Variants in RAB11FIP4 observed in about 807,000 individuals in gnomAD.
RAB11FIP4 encodes the protein RAB11 family interacting protein 4.
Under a neutral mutation model 74.3 loss-of-function variants are expected in RAB11FIP4, and 23 were observed. That is an observed-to-expected ratio of 0.31 (90% confidence interval 0.22 to 0.44). The LOEUF is 0.44. Ranked by LOEUF, RAB11FIP4 falls within the 20% of genes least tolerant of loss-of-function variation. RAB11FIP4 has a pLI of 1.00. For synonymous variants in RAB11FIP4, 360 were observed against 359.9 expected (o/e 1.00, Z 0.00); for missense variants, 630 against 863.9 (o/e 0.73, Z 3.39).
intron 3 of RAB11FIP4, among the ~76,000 whole-genome samples, chr17:31,505,690 A>AATAATTATATAATACATAATTATTATTAT (rs1310692095): frequency 7.1e-4 from 79 of 110,646 alleles, no homozygotes; most frequent in African/African-American, 2.9e-3. Flanking sequence ...TATAATATAT[A>AATAATTATATAATACATAATTATTATTAT]ATAATTATAT....
At chr17:31,403,060 A>G (rs2071008444) in intron 1 of RAB11FIP4, among the ~76,000 whole-genome samples, 1 of 152,030 alleles carries the variant, frequency 6.6e-6, no homozygotes, top group Non-Finnish European at 1.5e-5. Flanking sequence ...AGTATGACTG[A>G]GCATGGTGGC....
chr17:31,424,621 C>G (rs913198850), intron 1 of RAB11FIP4, among the ~76,000 whole-genome samples: 3 of 149,012 alleles, frequency 2.0e-5, no homozygotes, highest in African/African-American at 7.6e-5. Flanking sequence ...TGTTGTCCAG[C>G]CTGGAGTAGA....
intron 1 of RAB11FIP4, among the ~76,000 whole-genome samples, chr17:31,423,881 A>C (rs1282120394): frequency 1.3e-5 from 2 of 151,800 alleles, no homozygotes; most frequent in African/African-American, 4.8e-5. Context: ...TTCCAGGTAA[A>C]AGATTTTCCC....
rs189642383 is a variant in RAB11FIP4 at position 31,406,672 on chromosome 17, T to G, written c.159+14661T>G. 2.6e-4 allele frequency among the ~76,000 whole-genome samples: 39 copies of G among 152,384 alleles called. 1 individual carries two copies. The highest frequency in any genetic ancestry group is 2.2e-3 in the Admixed American group (34 of 15,310). ...GTTGCTATTTACTCTTGGTATTTCT[T>G]TCTGCATAAACTGTCCTATCGATCT... On this transcript the variant is annotated intron_variant, in intron 1 of 14. Transcript: ENST00000621161.
chr17:31,480,197 G>A (rs1362975956), intron 3 of RAB11FIP4, among the ~76,000 whole-genome samples: 2 of 152,050 alleles, frequency 1.3e-5, no homozygotes, highest in South Asian at 2.1e-4. Flanking sequence ...AGCCCTCGGC[G>A]GCTGCACATA....
intron 1 of RAB11FIP4, among the ~76,000 whole-genome samples, chr17:31,414,148 G>C (rs2071125787): frequency 6.6e-6 from 1 of 152,218 alleles, no homozygotes; most frequent in Non-Finnish European, 1.5e-5. Context: ...TCACACAGCT[G>C]GGAAATGGAG....
intron 10 of RAB11FIP4, chr17:31,526,469 T>G (rs1265043604): frequency 6.6e-6 from 1 of 152,246 alleles, no homozygotes; most frequent in Non-Finnish European, 1.5e-5. Context: ...TGGGGCTGAA[T>G]TCCTCTCTGG....
Position 31,537,061 on chromosome 17 carries a change from C to T in RAB11FIP4, c.*5329C>T. The T allele has an allele frequency of 2.5e-6, 1 of 399,362 alleles. No individual in the cohort carries two copies. The highest frequency in any genetic ancestry group is 4.4e-6 in the Non-Finnish European group (1 of 226,216). 24.7% of individuals were successfully genotyped at this position (399,362 alleles called of 1,614,324 possible). On this transcript the variant is annotated 3_prime_UTR_variant, in exon 15 of 15. Coordinates refer to ENST00000621161, the MANE Select transcript of RAB11FIP4 (RefSeq NM_032932.6). ...TGTTGTCCCCAGGGTGACCCTGCCT[C>T]CTGCTGGGGCCCATCCGCTTTGCTG...
rs956897009 is a variant in RAB11FIP4 at position 31,485,858 on chromosome 17, A to C, written c.337-31793A>C. 8.5e-5 allele frequency among the ~76,000 whole-genome samples: 13 copies of C among 152,342 alleles called. No homozygotes were observed. The South Asian group carries it at 1.0e-3, about 12-fold the overall frequency. On this transcript the variant is annotated intron_variant, in intron 3 of 14. Coordinates refer to ENST00000621161, the MANE Select transcript of RAB11FIP4 (RefSeq NM_032932.6). ...CTTGTCCCAAGACATCTGGGAAATA[A>C]GACTCAATTCAAACCCAAGTCTGTT...
intron 1 of RAB11FIP4, among the ~76,000 whole-genome samples, chr17:31,422,716 G>A (rs2071211497): frequency 6.6e-6 from 1 of 151,842 alleles, no homozygotes; most frequent in Non-Finnish European, 1.5e-5. Flanking sequence ...TTCATATATT[G>A]TATTTTTTAG....
chr17:31,461,946 T>C (rs1379126359), intron 3 of RAB11FIP4, among the ~76,000 whole-genome samples: 3 of 152,090 alleles, frequency 2.0e-5, no homozygotes, highest in Non-Finnish European at 4.4e-5. Context: ...TGGCCAGATA[T>C]TGGAATCACC....
rs532769962 is a variant in RAB11FIP4 at position 31,414,495 on chromosome 17, A to C, written c.160-17318A>C. On this transcript the variant is annotated intron_variant, in intron 1 of 14. Transcript: ENST00000621161. The stretch of plus-strand genomic sequence containing the variant: ...TTTCGCTCCTATTCAGACCCCAAAC[A>C]AAGCCCTTGTGGGTGGCCGGAGGGA... 3.9e-3 allele frequency among the ~76,000 whole-genome samples: 587 copies of C among 152,294 alleles called. 2 individuals are homozygous for C. The highest frequency in any genetic ancestry group is 5.7e-3 in the Non-Finnish European group (386 of 68,020).
Position 31,447,081 on chromosome 17 carries a change from G to A in RAB11FIP4, c.336+12959G>A, listed in dbSNP as rs568807576. ...GGGCGGATCACGAGGTCAGGAGATC[G>A]AGACCATCCTGGCTAACACGGTGAA... On this transcript the variant is annotated intron_variant, in intron 3 of 14. Transcript: ENST00000621161. Among the ~76,000 whole-genome samples, 13 of 152,236 alleles carry A rather than the reference G, an allele frequency of 8.5e-5. No individual in the cohort carries two copies. The South Asian group carries it at 1.2e-3, about 15-fold the overall frequency.
intron 3 of RAB11FIP4, among the ~76,000 whole-genome samples, chr17:31,510,719 C>T (rs1946881593): frequency 6.6e-6 from 1 of 152,166 alleles, no homozygotes. Context: ...ACCTGCAGGT[C>T]TGGCTTCCTG....
intron 1 of RAB11FIP4, among the ~76,000 whole-genome samples, chr17:31,403,648 C>T (rs540038591): frequency 6.6e-6 from 1 of 152,214 alleles, no homozygotes; most frequent in Admixed American, 6.5e-5. Flanking sequence ...TAATCCCTTT[C>T]GTCATCACGG....
chr17:31,529,819 T>C (rs1597988249), intron 13 of RAB11FIP4, among the ~76,000 whole-genome samples: 1 of 152,230 alleles, frequency 6.6e-6, no homozygotes, highest in Middle Eastern at 3.4e-3. Flanking sequence ...GTGCCCAGGG[T>C]CCCAGGTGTG....
intron 1 of RAB11FIP4, among the ~76,000 whole-genome samples, chr17:31,412,908 CG>C (rs1369786335): frequency 1.3e-5 from 2 of 152,142 alleles, no homozygotes; most frequent in African/African-American, 4.8e-5. Flanking sequence ...TCAGAGAGGT[CG>C]GGGTCTGCCA....
intron 1 of RAB11FIP4, among the ~76,000 whole-genome samples, chr17:31,413,276 C>A (rs549868983): frequency 2.0e-5 from 3 of 152,118 alleles, no homozygotes; most frequent in East Asian, 1.9e-4. Flanking sequence ...CCAGCACCCC[C>A]CTTTGATGAG....
At chr17:31,447,757 A>G (rs2071481449) in intron 3 of RAB11FIP4, among the ~76,000 whole-genome samples, 2 of 152,188 alleles carry the variant, frequency 1.3e-5, no homozygotes, top group Admixed American at 1.3e-4. Context: ...TCCTGACCTC[A>G]GGTGATCTGC....
Sources: gnomAD v4.1 joint callset for allele counts (sites outside exome capture counted in the v4.1 genomes callset) on GRCh38, gnomAD v4.1.1 for gene constraint, MANE v1.5 for transcripts, NCBI Gene and HGNC (gene_info 2026-07-23, HGNC 2026-07-21) for gene names.